ADORA2A: variants seen among roughly 807,000 people sequenced by gnomAD.
The protein encoded by ADORA2A is adenosine A2a receptor.
Under a neutral mutation model 18.4 loss-of-function variants are expected in ADORA2A, and 11 were observed. The ratio of observed to expected loss-of-function variants is 0.60; its 90% CI spans 0.38 to 0.99. The LOEUF (loss-of-function observed/expected upper bound fraction) is 0.99. Ranked by LOEUF, ADORA2A falls within the 50% of genes least tolerant of loss-of-function variation. The pLI is 0.01. For synonymous variants in ADORA2A, 218 were observed against 237.3 expected (o/e 0.92, Z 0.75); for missense variants, 449 against 556.1 (o/e 0.81, Z 1.94).
intron 1 of ADORA2A, among the ~76,000 whole-genome samples, chr22:24,428,704 C>G (rs924237467): frequency 2.6e-5 from 4 of 152,206 alleles, no homozygotes; most frequent in Non-Finnish European, 5.9e-5. Flanking sequence ...ACCTCTTGCG[C>G]TTTGAAATTG....
At chr22:24,427,057 C>G (rs920184560), upstream of ADORA2A, among the ~76,000 whole-genome samples, 1 of 152,166 alleles carries the variant, frequency 6.6e-6, no homozygotes, top group Non-Finnish European at 1.5e-5. Context: ...GAGAGGCTGC[C>G]GGAGCTGGCC....
upstream of ADORA2A, chr22:24,424,376 T>G (rs1394006170): frequency 6.9e-6 from 1 of 144,890 alleles, no homozygotes; most frequent in Non-Finnish European, 1.5e-5. The surrounding 1 kb of genome is among the most constrained non-coding windows in gnomAD (Gnocchi z 4.9). Context: ...CGTCCGTCAG[T>G]CCGTCCGTCC....
chr22:24,431,180 T>C (rs1436811539), intron 1 of ADORA2A: 1 of 456,646 alleles, frequency 2.2e-6, no homozygotes, highest in Admixed American at 2.3e-5. Context: ...TGGCAAGTGC[T>C]CCATGGAAAG....
chr22:24,425,664 C>G (rs920298433), upstream of ADORA2A, among the ~76,000 whole-genome samples: 3 of 152,222 alleles, frequency 2.0e-5, no homozygotes, highest in African/African-American at 7.2e-5. Context: ...TGGGCTTCTT[C>G]CCATATCAGT....
intron 2 of ADORA2A, among the ~76,000 whole-genome samples, chr22:24,436,246 G>A (rs1206808938): frequency 6.6e-6 from 1 of 152,130 alleles, no homozygotes; most frequent in African/African-American, 2.4e-5. Context: ...TGACACTCCT[G>A]GCCGGCGCTG....
chr22:24,428,769 G>A (rs548939139), intron 1 of ADORA2A, among the ~76,000 whole-genome samples: 41 of 152,360 alleles, frequency 2.7e-4, no homozygotes, highest in Non-Finnish European at 5.0e-4. Context: ...GTGGCCTGCA[G>A]TGCCTGAAAC....
Position 24,441,260 on chromosome 22 carries a change from G to C in ADORA2A, c.1010G>C (p.Arg337Pro), listed in dbSNP as rs776505597. Residue 337 changes from arginine (R) to proline (P), a missense_variant, in exon 3 of 3, where the codon CGT (arginine) becomes CCT (proline). By Grantham distance (103) the Arg-to-Pro change is moderately radical (BLOSUM62 -2). Transcript: ENST00000337539. ...AGTGACGGAGAGCAGGTCAGCCTCC[G>C]TCTCAACGGCCACCCGCCAGGAGTG... ...HGSDGEQVSL[R>P]LNGHPPGVWA... 1 of 1,613,138 alleles carries C rather than the reference G, an allele frequency of 6.2e-7. No individual in the cohort carries two copies.
intron 2 of ADORA2A, among the ~76,000 whole-genome samples, chr22:24,437,605 G>A (rs2043211681): frequency 6.6e-6 from 1 of 151,998 alleles, no homozygotes; most frequent in South Asian, 2.1e-4. Context: ...GTATAGTATA[G>A]TAGAAAGTTG....
At chr22:24,437,405 G>T (rs1257527679) in intron 2 of ADORA2A, among the ~76,000 whole-genome samples, 5 of 152,208 alleles carry the variant, frequency 3.3e-5, no homozygotes. Context: ...CCCAGGATAT[G>T]CTGCTGGGCC....
rs2043357044 is a variant in ADORA2A, at chr22:24,442,162, T to C, written c.*673T>C. ...AAAGCTGGGATCAAGGACAGGGAGTTGTAACAGAGCAGTGCCAGAGCATGG... is the reference window on the plus strand; with the variant it reads ...AAAGCTGGGATCAAGGACAGGGAGTCGTAACAGAGCAGTGCCAGAGCATGG... On this transcript the variant is annotated 3_prime_UTR_variant, in exon 3 of 3. Transcript: ENST00000337539. 6.5e-6 allele frequency: 1 copy of C among 152,916 alleles called. No individual in the cohort carries two copies. The highest frequency in any genetic ancestry group is 2.1e-4 in the South Asian group (1 of 4,828). The allele number at this position is 152,916 out of a possible 1,614,324, so 9.5% of individuals were successfully genotyped here. A position where few individuals can be genotyped will look rare whatever the true frequency, so the allele number is the denominator to read the frequency against.
intron 2 of ADORA2A, among the ~76,000 whole-genome samples, chr22:24,435,912 G>A (rs1440393159): frequency 6.6e-6 from 1 of 152,150 alleles, no homozygotes; most frequent in Non-Finnish European, 1.5e-5. Context: ...AGAGGATGAC[G>A]ACGATGATGT....
intron 2 of ADORA2A, among the ~76,000 whole-genome samples, chr22:24,437,139 G>A (rs1439200079): frequency 6.6e-6 from 1 of 152,172 alleles, no homozygotes; most frequent in Non-Finnish European, 1.5e-5. Flanking sequence ...CATATTCTTG[G>A]ACCATAGGGT....
At chr22:24,435,913 A>T (rs2043162352) in intron 2 of ADORA2A, among the ~76,000 whole-genome samples, 1 of 152,172 alleles carries the variant, frequency 6.6e-6, no homozygotes, top group Admixed American at 6.5e-5. Context: ...GAGGATGACG[A>T]CGATGATGTT....
intron 2 of ADORA2A, among the ~76,000 whole-genome samples, chr22:24,434,718 A>T (rs1386831108): frequency 1.3e-5 from 2 of 152,190 alleles, no homozygotes; most frequent in African/African-American, 4.8e-5. Context: ...TGCCTATCTA[A>T]AGAGGAAGCC....
chr22:24,436,281 T>C, intron 2 of ADORA2A, among the ~76,000 whole-genome samples: 1 of 152,098 alleles, frequency 6.6e-6, no homozygotes, highest in East Asian at 1.9e-4. Context: ...CTCAGGATCC[T>C]CCCTCCTCCT....
intron 1 of ADORA2A, chr22:24,431,602 C>T (rs957609428): frequency 4.7e-5 from 20 of 421,450 alleles, no homozygotes; most frequent in Admixed American, 2.5e-4. Context: ...CCCGAGTCCA[C>T]GTGAAAGGCA....
chr22:24,430,326 G>T (rs555275480), intron 1 of ADORA2A: 1 of 153,314 alleles, frequency 6.5e-6, no homozygotes, highest in South Asian at 2.1e-4. Context: ...AGCCGTGGGT[G>T]TCTTTAGCCC....
chr22:24,427,208 A>G (rs2042927867), upstream of ADORA2A, among the ~76,000 whole-genome samples: 1 of 152,134 alleles, frequency 6.6e-6, no homozygotes, highest in Admixed American at 6.5e-5. Context: ...GCAAACCCTG[A>G]GCCAGCCTGG....
intron 1 of ADORA2A, chr22:24,431,209 C>T (rs750494022): frequency 6.6e-6 from 3 of 456,650 alleles, no homozygotes; most frequent in Non-Finnish European, 1.3e-5. Context: ...TGGGAGGACT[C>T]GGCCCTCTCC....
Sources: gnomAD v4.1 joint callset for allele counts (sites outside exome capture counted in the v4.1 genomes callset) on GRCh38, gnomAD v4.1.1 for gene constraint, Gnocchi (gnomAD v3.1) non-coding constraint, MANE v1.5 for transcripts, NCBI Gene and HGNC (gene_info 2026-07-23, HGNC 2026-07-21) for gene names.